SLC36A1: variants seen among roughly 807,000 people sequenced by gnomAD.
SLC36A1 encodes the protein proton-coupled amino acid transporter 1.
Under a neutral mutation model 47.5 loss-of-function variants are expected in SLC36A1, and 30 were observed. The ratio of observed to expected loss-of-function variants is 0.63; its 90% CI spans 0.47 to 0.86. SLC36A1 has a LOEUF of 0.86. Ranked by LOEUF, SLC36A1 falls within the 40% of genes least tolerant of loss-of-function variation. The pLI is 0.00. For synonymous variants in SLC36A1, 255 were observed against 249.7 expected (o/e 1.02, Z -0.20); for missense variants, 517 against 606.0 (o/e 0.85, Z 1.54).
the SLC36A1 span, among the ~76,000 whole-genome samples, chr5:151,365,563 C>T: frequency 6.6e-6 from 1 of 152,186 alleles, no homozygotes; most frequent in Non-Finnish European, 1.5e-5. Context: ...ATCTAGTCCA[C>T]CCTCTCATTT....
rs574267672 is a variant in SLC36A1 at position 151,447,944 on chromosome 5, C to G, written c.-6+131C>G. 5 of 152,384 alleles carry G rather than the reference C, an allele frequency of 3.3e-5. No homozygotes were observed. In the East Asian group the frequency reaches 7.7e-4, roughly 24 times the overall value. 9.4% of individuals were successfully genotyped at this position (152,384 alleles called of 1,614,324 possible). A position where few individuals can be genotyped will look rare whatever the true frequency, so the allele number is the denominator to read the frequency against. ...GGAGATCCCTTGTCCCTCGCGCTAT[C>G]TCCCTTGACCTCGTGGGGTTGGGAT... On this transcript the variant is annotated intron_variant, in intron 1 of 10. Transcript: ENST00000243389.
the SLC36A1 span, among the ~76,000 whole-genome samples, chr5:151,552,896 A>G: frequency 2.6e-5 from 4 of 152,208 alleles, no homozygotes; most frequent in Admixed American, 2.6e-4. Flanking sequence ...TTCCTGAACC[A>G]TTTTAGGTCT....
At chr5:151,374,828 G>C in the SLC36A1 span, among the ~76,000 whole-genome samples, 27 of 151,550 alleles carry the variant, frequency 1.8e-4, no homozygotes, top group African/African-American at 6.5e-4. Flanking sequence ...CTGATGATTA[G>C]TGATGTTGAA....
intron 4 of SLC36A1, 41 bp downstream of exon 4, chr5:151,464,643 CT>C: frequency 2.6e-6 from 4 of 1,563,078 alleles, no homozygotes; most frequent in Non-Finnish European, 3.5e-6. Flanking sequence ...ACAGATTGTC[CT>C]TTTGGGTTCT....
At chr5:151,350,966 AAT>A in the SLC36A1 span, among the ~76,000 whole-genome samples, 1 of 152,132 alleles carries the variant, frequency 6.6e-6, no homozygotes, top group Non-Finnish European at 1.5e-5. Flanking sequence ...ATTAAAGGAC[AAT>A]GTTTTTAATG....
the SLC36A1 span, chr5:151,545,892 C>A: frequency 1.2e-6 from 2 of 1,614,116 alleles, no homozygotes; most frequent in South Asian, 2.2e-5. Flanking sequence ...TTATGTCAAC[C>A]ACCACCATGA....
chr5:151,523,850 G>C, the SLC36A1 span, among the ~76,000 whole-genome samples: 56 of 152,242 alleles, frequency 3.7e-4, no homozygotes, highest in Middle Eastern at 3.4e-3. Flanking sequence ...CCATAAACCT[G>C]TCCTGCCTTC....
the SLC36A1 span, chr5:151,347,208 G>A: frequency 1.4e-5 from 21 of 1,498,520 alleles, no homozygotes; most frequent in South Asian, 1.8e-4. Context: ...ACAGTGGGTT[G>A]AGGGTCAGAC....
the SLC36A1 span, chr5:151,545,038 C>T: frequency 1.9e-5 from 30 of 1,614,042 alleles, no homozygotes; most frequent in African/African-American, 2.7e-5. Context: ...CTGCTGCTCC[C>T]GGTCAAACGC....
chr5:151,508,265 T>C, the SLC36A1 span, among the ~76,000 whole-genome samples: 1 of 152,218 alleles, frequency 6.6e-6, no homozygotes, highest in Admixed American at 6.5e-5. Context: ...ACCAGTTGTT[T>C]GTTATTTTGG....
the SLC36A1 span, among the ~76,000 whole-genome samples, chr5:151,423,325 A>T: frequency 1.3e-5 from 2 of 152,136 alleles, no homozygotes; most frequent in East Asian, 1.9e-4. Flanking sequence ...CCCACAAAAA[A>T]CCCTGCATGT....
At chr5:151,443,272 T>C (rs973424109), upstream of SLC36A1, among the ~76,000 whole-genome samples, 1 of 152,224 alleles carries the variant, frequency 6.6e-6, no homozygotes, top group African/African-American at 2.4e-5. Flanking sequence ...TGCACCAGTC[T>C]ACAGTCCCAC....
the SLC36A1 span, among the ~76,000 whole-genome samples, chr5:151,533,571 T>C: frequency 1.3e-5 from 2 of 152,186 alleles, no homozygotes; most frequent in African/African-American, 4.8e-5. Flanking sequence ...AATTTTACCC[T>C]GCTGGTGTCA....
chr5:151,553,881 C>T, the SLC36A1 span, among the ~76,000 whole-genome samples: 1 of 152,226 alleles, frequency 6.6e-6, no homozygotes, highest in Non-Finnish European at 1.5e-5. Context: ...GTGGTCGATT[C>T]ACCTGCCAGA....
the SLC36A1 span, among the ~76,000 whole-genome samples, chr5:151,428,024 C>G: frequency 6.6e-6 from 1 of 152,082 alleles, no homozygotes; most frequent in Non-Finnish European, 1.5e-5. Flanking sequence ...GCCTCGTGCT[C>G]CTGACCCCGG....
chr5:151,524,484 C>T, the SLC36A1 span, among the ~76,000 whole-genome samples: 1 of 152,178 alleles, frequency 6.6e-6, no homozygotes, highest in Admixed American at 6.5e-5. Flanking sequence ...GAAGAGGGCA[C>T]TCACCAGAAC....
chr5:151,545,261 T>C, the SLC36A1 span: 1 of 1,614,086 alleles, frequency 6.2e-7, no homozygotes, highest in Non-Finnish European at 8.5e-7. Context: ...GTCAAAGAAA[T>C]TTTTACCAGC....
At chr5:151,422,685 G>A in the SLC36A1 span, among the ~76,000 whole-genome samples, 3 of 151,938 alleles carry the variant, frequency 2.0e-5, no homozygotes, top group Non-Finnish European at 4.4e-5. Context: ...TTATGATCAC[G>A]CCACTACACT....
chr5:151,367,829 C>A, the SLC36A1 span, among the ~76,000 whole-genome samples: 1 of 152,158 alleles, frequency 6.6e-6, no homozygotes, highest in East Asian at 1.9e-4. Context: ...CCTGACTTCC[C>A]GTAACAGTAG....
Sources: allele counts gnomAD v4.1 joint callset (sites outside exome capture counted in the v4.1 genomes callset), GRCh38; gene constraint gnomAD v4.1.1; transcripts MANE v1.5; gene names NCBI Gene and HGNC (gene_info 2026-07-23, HGNC 2026-07-21).